The following EXOC2 variants were observed in gnomAD, a reference collection of about 807,000 sequenced individuals.
The protein encoded by EXOC2 is exocyst complex component 2.
EXOC2 carries 70 observed loss-of-function variants against 131.8 expected under a neutral mutation model. That is an observed-to-expected ratio of 0.53 (90% CI 0.44 to 0.65). EXOC2 has a LOEUF of 0.65. EXOC2 is among the 30% of genes least tolerant of loss of function. The pLI is 0.00. For synonymous variants in EXOC2, 411 were observed against 398.4 expected (o/e 1.03, Z -0.38); for missense variants, 923 against 1,108.6 (o/e 0.83, Z 2.38).
At position 528,870 on chromosome 6, in the gene EXOC2, G is replaced by C. The variant is rs376060666; in HGVS notation, c.2380+3599C>G. On this transcript the variant is annotated intron_variant, in intron 23 of 27. Coordinates refer to ENST00000230449, the MANE Select transcript of EXOC2 (RefSeq NM_018303.6). ...GAAAATATGAAGGTCACAGAGACAG[G>C]ATTCTGGGTACCTTAAATAAATCCA... Among the ~76,000 whole-genome samples, 2 of 152,228 alleles carry C rather than the reference G, an allele frequency of 1.3e-5. 1 individual carries two copies. The highest frequency in any genetic ancestry group is 1.3e-4 in the Admixed American group (2 of 15,286).
intron 1 of EXOC2, among the ~76,000 whole-genome samples, chr6:682,772 G>C (rs1006706202): frequency 6.6e-6 from 1 of 152,154 alleles, no homozygotes; most frequent in South Asian, 2.1e-4. Context: ...GGTTTTCTCC[G>C]GGTGTGATGA....
chr6:684,346 T>C (rs1284761664), intron 1 of EXOC2, among the ~76,000 whole-genome samples: 1 of 152,176 alleles, frequency 6.6e-6, no homozygotes, highest in Non-Finnish European at 1.5e-5. Flanking sequence ...TCTTGACCTG[T>C]ACTCCCCCAT....
At chr6:660,083 TC>T (rs899750813) in intron 1 of EXOC2, among the ~76,000 whole-genome samples, 3 of 151,004 alleles carry the variant, frequency 2.0e-5, no homozygotes, top group Non-Finnish European at 4.4e-5. Flanking sequence ...CTGCAGACTT[TC>T]CCCCACTTCC....
chr6:594,895 G>A (rs569769456), intron 10 of EXOC2, among the ~76,000 whole-genome samples: 3 of 149,174 alleles, frequency 2.0e-5, no homozygotes, highest in East Asian at 2.0e-4. Flanking sequence ...ACATGTTATC[G>A]CCATTTCTTT....
At position 667,593 on chromosome 6, in the gene EXOC2, A is replaced by C. The variant is rs182618310; in HGVS notation, c.-44+25426T>G. Among the ~76,000 whole-genome samples the C allele has an allele frequency of 8.3e-5, 8 of 96,944 alleles. 3 individuals are homozygous for C. The Admixed American group carries it at 9.2e-4, about 11-fold the overall frequency. 63.6% of individuals were successfully genotyped at this position (96,944 alleles called of 152,430 possible). A position where few individuals can be genotyped will look rare whatever the true frequency, so the allele number is the denominator to read the frequency against. ...ATTCTCTCCTTTTTGGAACTGGGACACCCATCTTTTCCTGCTCTTGAATCA... is the reference window on the plus strand; with the variant it reads ...ATTCTCTCCTTTTTGGAACTGGGACCCCCATCTTTTCCTGCTCTTGAATCA... On this transcript the variant is annotated intron_variant, in intron 1 of 27. Transcript: ENST00000230449.
chr6:581,569 T>C (rs1758906291), intron 11 of EXOC2, among the ~76,000 whole-genome samples: 1 of 152,036 alleles, frequency 6.6e-6, no homozygotes, highest in African/African-American at 2.4e-5. Context: ...AAATTCTATG[T>C]GATATTTGCA....
intron 1 of EXOC2, among the ~76,000 whole-genome samples, chr6:691,976 T>C (rs1280159105): frequency 6.6e-6 from 1 of 152,234 alleles, no homozygotes; most frequent in African/African-American, 2.4e-5. Context: ...GAGAAGATTC[T>C]GGCTTTCAGT....
intron 17 of EXOC2, among the ~76,000 whole-genome samples, chr6:558,993 AGTAG>A (rs1048772118): frequency 6.6e-6 from 1 of 152,150 alleles, no homozygotes; most frequent in African/African-American, 2.4e-5. Flanking sequence ...TTGAACCGGG[AGTAG>A]GTGATAGTCT....
At chr6:660,480 CTG>C (rs1224184939) in intron 1 of EXOC2, among the ~76,000 whole-genome samples, 1 of 152,160 alleles carries the variant, frequency 6.6e-6, no homozygotes, top group African/African-American at 2.4e-5. Context: ...TCACAGGACT[CTG>C]TGCAGGCAAC....
At chr6:654,707 G>C (rs1168210808) in intron 1 of EXOC2, among the ~76,000 whole-genome samples, 1 of 150,086 alleles carries the variant, frequency 6.7e-6, no homozygotes, top group Non-Finnish European at 1.5e-5. Context: ...GGGAGGCTGT[G>C]GCAGGAGGAT....
At chr6:556,424 CA>C in intron 18 of EXOC2, 59 bp downstream of exon 18, 1 of 1,556,556 alleles carries the variant, frequency 6.4e-7, no homozygotes, top group Non-Finnish European at 8.8e-7. Context: ...CAAAAATTTA[CA>C]ACTATGATTC....
Position 564,115 on chromosome 6 carries a change from A to G in EXOC2, c.1707T>C (p.Asn569=). Residue 569 remains asparagine (N), a synonymous_variant, in exon 16 of 28, where the codon AAT becomes AAC. Coordinates refer to ENST00000230449, the MANE Select transcript of EXOC2 (RefSeq NM_018303.6). ...HESLTALEIP[N]DLLQTIQDLI... is the part of the protein sequence containing the mutation. ...GATCCTGGATAGTCTGTAACAGGTC[A>G]TTAGGAATTTCAAGGGCAGTCAACG... 1 of 1,614,158 alleles carries G rather than the reference A, an allele frequency of 6.2e-7. No individual in the cohort carries two copies. The highest frequency in any genetic ancestry group is 8.5e-7 in the Non-Finnish European group (1 of 1,180,022).
At chr6:514,073 T>C (rs1032827902) in intron 23 of EXOC2, among the ~76,000 whole-genome samples, 6 of 152,242 alleles carry the variant, frequency 3.9e-5, no homozygotes, top group Admixed American at 6.5e-5. Flanking sequence ...CAAATGCTCC[T>C]TGACGGCTGT....
intron 1 of EXOC2, chr6:679,153 T>C (rs184341685): frequency 6.6e-6 from 1 of 152,206 alleles, no homozygotes; most frequent in African/African-American, 2.4e-5. Context: ...CTTCTATAAG[T>C]TAATAAATAA....
Position 597,947 on chromosome 6 carries a change from C to T in EXOC2, c.1073+74G>A, listed in dbSNP as rs534808095. On this transcript the variant is annotated intron_variant, in intron 10 of 27. Coordinates refer to ENST00000230449, the MANE Select transcript of EXOC2 (RefSeq NM_018303.6). Reference sequence around the variant, plus strand: ...AATCTCCTAAAGTCCCTCAAGTTAGCCTTAAGGGTTACAAGATGCATACAG... The same window carrying T: ...AATCTCCTAAAGTCCCTCAAGTTAGTCTTAAGGGTTACAAGATGCATACAG... The T allele has an allele frequency of 2.6e-3, 2,790 of 1,059,738 alleles. 6 individuals carry two copies. Among genetic ancestry groups the T allele is most frequent in the Non-Finnish European group, 3.4e-3 (2,425 of 708,034 alleles). 65.6% of individuals were successfully genotyped at this position (1,059,738 alleles called of 1,614,324 possible). A position where few individuals can be genotyped will look rare whatever the true frequency, so the allele number is the denominator to read the frequency against.
At chr6:625,758 A>G (rs1761532631) in intron 4 of EXOC2, among the ~76,000 whole-genome samples, 1 of 152,132 alleles carries the variant, frequency 6.6e-6, no homozygotes, top group African/African-American at 2.4e-5. Flanking sequence ...TTCGAAGAAA[A>G]TCAGGTTTGC....
At chr6:618,642 A>T (rs776997896) in intron 5 of EXOC2, among the ~76,000 whole-genome samples, 43 of 152,222 alleles carry the variant, frequency 2.8e-4, no homozygotes, top group Admixed American at 7.9e-4. Context: ...TATGTATTAA[A>T]ATGCCAACCT....
At chr6:595,984 C>T (rs1759794179) in intron 10 of EXOC2, among the ~76,000 whole-genome samples, 1 of 152,158 alleles carries the variant, frequency 6.6e-6, no homozygotes, top group African/African-American at 2.4e-5. Flanking sequence ...CAAGAGTGGG[C>T]TCTGAAGCCA....
intron 17 of EXOC2, among the ~76,000 whole-genome samples, chr6:562,553 A>G (rs370205564): frequency 6.6e-6 from 1 of 152,242 alleles, no homozygotes; most frequent in East Asian, 1.9e-4. Context: ...AAAAATCGTA[A>G]GTTATACAGG....
Sources: gnomAD v4.1 joint callset for allele counts (sites outside exome capture counted in the v4.1 genomes callset) on GRCh38, gnomAD v4.1.1 for gene constraint, MANE v1.5 for transcripts, NCBI Gene and HGNC (gene_info 2026-07-23, HGNC 2026-07-21) for gene names.